RANBP17: variants seen among roughly 807,000 people sequenced by gnomAD.
RANBP17 encodes the protein ran-binding protein 17.
A neutral mutation model predicts 141.2 loss-of-function variants in RANBP17; 158 were observed. The ratio of observed to expected loss-of-function variants is 1.12; its 90% CI spans 0.98 to 1.28. The LOEUF is 1.28. Ranked by LOEUF, RANBP17 falls within the 50% of genes most tolerant of loss-of-function variation. The pLI, the probability that RANBP17 is intolerant of heterozygous loss-of-function variation, is 0.00. For missense variants in RANBP17, 1,438 were observed against 1,290.7 expected (o/e 1.11, Z -1.75); for synonymous variants, 430 against 450.0 (o/e 0.96, Z 0.56).
At position 171,111,017 on chromosome 5, in the gene RANBP17, C is replaced by G. The variant is rs542109224; in HGVS notation, c.1711-59113C>G. 1.7e-4 allele frequency among the ~76,000 whole-genome samples: 26 copies of G among 152,002 alleles called. 1 individual carries two copies. The South Asian group carries it at 5.0e-3, about 29-fold the overall frequency. ...CCAATGCTATCCCTCCCCTCTCCCC[C>G]CACCCCACCACAGTCCCCAGAGTGT... On this transcript the variant is annotated intron_variant, in intron 14 of 27. Transcript: ENST00000523189.
chr5:171,132,526 C>CCATA (rs1338400704), intron 14 of RANBP17, among the ~76,000 whole-genome samples: 1 of 151,864 alleles, frequency 6.6e-6, no homozygotes, highest in Non-Finnish European at 1.5e-5. Context: ...AGTTCAAGAC[C>CCATA]AGTCTAGGGA....
At chr5:170,862,660 C>CCGGGCGCGGGCG (rs200590393) in intron 1 of RANBP17, among the ~76,000 whole-genome samples, 3 of 152,052 alleles carry the variant, frequency 2.0e-5, no homozygotes, top group Non-Finnish European at 4.4e-5. Flanking sequence ...GAAACCCGGG[C>CCGGGCGCGGGCG]CGGGCGCGGG....
intron 18 of RANBP17, among the ~76,000 whole-genome samples, chr5:171,196,113 A>C (rs1473191074): frequency 6.6e-6 from 1 of 152,190 alleles, no homozygotes; most frequent in Non-Finnish European, 1.5e-5. Flanking sequence ...TATGTCAATG[A>C]ATGGCCAGTA....
chr5:171,091,244 C>T (rs935463760), intron 14 of RANBP17, among the ~76,000 whole-genome samples: 1 of 152,162 alleles, frequency 6.6e-6, no homozygotes, highest in Admixed American at 6.5e-5. Context: ...GGATGTGAGA[C>T]ATGAAGTCAA....
intron 14 of RANBP17, among the ~76,000 whole-genome samples, chr5:170,979,008 T>TTTTGG (rs1289821021): frequency 6.6e-6 from 1 of 152,146 alleles, no homozygotes; most frequent in East Asian, 1.9e-4. Flanking sequence ...CTACGTTTAT[T>TTTTGG]TTTGGGTAAC....
intron 24 of RANBP17, among the ~76,000 whole-genome samples, chr5:171,244,923 A>G (rs1427400108): frequency 6.6e-6 from 1 of 152,108 alleles, no homozygotes; most frequent in East Asian, 1.9e-4. Flanking sequence ...CAGGAGATTG[A>G]GACCATCCTG....
chr5:170,899,044 T>C (rs1052552088), intron 5 of RANBP17, among the ~76,000 whole-genome samples: 39 of 152,290 alleles, frequency 2.6e-4, no homozygotes, highest in Middle Eastern at 3.4e-3. Context: ...TAGTTTTTTC[T>C]AATTCTGTGA....
chr5:171,007,933 G>A (rs1310912399), intron 14 of RANBP17, among the ~76,000 whole-genome samples: 2 of 152,196 alleles, frequency 1.3e-5, no homozygotes, highest in East Asian at 3.9e-4. Context: ...CGAAGCCGGT[G>A]GGGAGCAACC....
intron 13 of RANBP17, among the ~76,000 whole-genome samples, chr5:170,962,757 T>C (rs1205218856): frequency 6.6e-6 from 1 of 152,206 alleles, no homozygotes; most frequent in East Asian, 1.9e-4. Context: ...CCTCAGCAAG[T>C]TCTCCATAAA....
At chr5:170,904,562 A>G (rs114712754) in intron 5 of RANBP17, 1 of 152,162 alleles carries the variant, frequency 6.6e-6, no homozygotes, top group Non-Finnish European at 1.5e-5. Flanking sequence ...TTTGTTTTTC[A>G]TATTAGGAAA....
chr5:171,264,058 T>A (rs1208327271), intron 24 of RANBP17, among the ~76,000 whole-genome samples: 1 of 152,174 alleles, frequency 6.6e-6, no homozygotes, highest in Non-Finnish European at 1.5e-5. Context: ...TGAGAACCTA[T>A]CTCAACAACA....
At chr5:171,067,763 T>C (rs1184696627) in intron 14 of RANBP17, among the ~76,000 whole-genome samples, 1 of 152,180 alleles carries the variant, frequency 6.6e-6, no homozygotes, top group Non-Finnish European at 1.5e-5. Flanking sequence ...GTTAGTCTTA[T>C]TGAGAATCTT....
chr5:171,241,722 C>A (rs1764892245), intron 23 of RANBP17, among the ~76,000 whole-genome samples: 1 of 152,148 alleles, frequency 6.6e-6, no homozygotes, highest in African/African-American at 2.4e-5. Context: ...TCCACCAAGA[C>A]AACTGGTATG....
chr5:170,988,842 T>C (rs966100794), intron 14 of RANBP17, among the ~76,000 whole-genome samples: 1 of 151,766 alleles, frequency 6.6e-6, no homozygotes, highest in Non-Finnish European at 1.5e-5. Context: ...AAATTAAATA[T>C]GCCATTATTT....
intron 18 of RANBP17, among the ~76,000 whole-genome samples, chr5:171,185,187 A>G (rs1381235189): frequency 6.6e-6 from 1 of 152,164 alleles, no homozygotes; most frequent in Non-Finnish European, 1.5e-5. Flanking sequence ...AATAAATAAA[A>G]TATTTTATTG....
intron 14 of RANBP17, among the ~76,000 whole-genome samples, chr5:171,060,797 C>G (rs1783776209): frequency 6.6e-6 from 1 of 152,044 alleles, no homozygotes; most frequent in Non-Finnish European, 1.5e-5. Flanking sequence ...TGGTCCTGGA[C>G]TCTTTTTGGT....
intron 14 of RANBP17, among the ~76,000 whole-genome samples, chr5:171,147,381 G>GTGTGTGTGTGTGTGTGTGTGT (rs1554105338): frequency 7.6e-6 from 1 of 130,966 alleles, no homozygotes; most frequent in Non-Finnish European, 1.6e-5. Context: ...GTGTGTGTGT[G>GTGTGTGTGTGTGTGTGTGTGT]GTTGTTTGTT....
At chr5:171,278,134 G>A (rs767700209) in intron 25 of RANBP17, among the ~76,000 whole-genome samples, 10 of 151,502 alleles carry the variant, frequency 6.6e-5, no homozygotes, top group Non-Finnish European at 1.5e-4. Context: ...AAGCTATTTA[G>A]GATTTCACTA....
chr5:171,065,542 G>T (rs1317986418), intron 14 of RANBP17, among the ~76,000 whole-genome samples: 2 of 151,898 alleles, frequency 1.3e-5, no homozygotes, highest in Admixed American at 6.5e-5. Context: ...TTCCTAACAG[G>T]CTATGGACTG....
Sources: allele counts gnomAD v4.1 joint callset (sites outside exome capture counted in the v4.1 genomes callset), GRCh38; gene constraint gnomAD v4.1.1; transcripts MANE v1.5; gene names NCBI Gene and HGNC (gene_info 2026-07-23, HGNC 2026-07-21).